Variants in CUL1 observed in about 807,000 individuals in gnomAD.
CUL1 encodes the protein cullin 1, also known as cullin-1.
Under a neutral mutation model 118.0 loss-of-function variants are expected in CUL1, and 24 were observed. That is an observed-to-expected ratio of 0.20 (90% CI 0.15 to 0.29). CUL1 has a LOEUF of 0.29. Among genes scored for constraint, CUL1 ranks in the 10% least tolerant of loss-of-function variants. CUL1 has a pLI of 1.00. For synonymous variants in CUL1, 332 were observed against 340.4 expected (o/e 0.98, Z 0.27); for missense variants, 361 against 933.8 (o/e 0.39, Z 7.99).
intron 4 of CUL1, among the ~76,000 whole-genome samples, chr7:148,757,675 CT>C (rs965694727): frequency 1.3e-5 from 2 of 152,146 alleles, no homozygotes; most frequent in Admixed American, 1.3e-4. Context: ...CTGTATTAGT[CT>C]GTTTTCATAC....
chr7:148,793,752 T>C (rs1051969185), intron 17 of CUL1, among the ~76,000 whole-genome samples: 16 of 152,234 alleles, frequency 1.1e-4, no homozygotes, highest in African/African-American at 3.9e-4. Flanking sequence ...ATGTTTTCAA[T>C]TTTCCTGGGT....
chr7:148,748,487 A>T (rs986708569), intron 2 of CUL1, among the ~76,000 whole-genome samples: 11 of 152,240 alleles, frequency 7.2e-5, no homozygotes, highest in African/African-American at 2.7e-4. Context: ...TATAATTTCA[A>T]ATATGTATAT....
chr7:148,758,110 G>T (rs933193715), intron 4 of CUL1, among the ~76,000 whole-genome samples: 1 of 152,188 alleles, frequency 6.6e-6, no homozygotes, highest in Non-Finnish European at 1.5e-5. Flanking sequence ...AGAAACTCTG[G>T]AGATGGGGCC....
At chr7:148,699,263 C>T (rs1176676303) in intron 1 of CUL1, among the ~76,000 whole-genome samples, 2 of 151,788 alleles carry the variant, frequency 1.3e-5, no homozygotes, top group Non-Finnish European at 1.5e-5. Flanking sequence ...CCCTGAGTCA[C>T]CCCGGACGGG....
intron 7 of CUL1, among the ~76,000 whole-genome samples, chr7:148,764,391 TAA>T (rs570644603): frequency 4.9e-4 from 74 of 152,254 alleles, no homozygotes; most frequent in African/African-American, 1.5e-3. Flanking sequence ...TGCCAATATA[TAA>T]AATAAGCTAG....
Position 148,798,069 on chromosome 7 carries a change from C to T in CUL1, c.2030+50C>T, listed in dbSNP as rs199644865. On this transcript the variant is annotated intron_variant, in intron 19 of 21. Transcript: ENST00000325222. Reference sequence around the variant, plus strand: ...GGCCCTTGACCATAGACACGTCCCCCGGGAGCCCTAGCACGGATCTCAGTA... The same window carrying T: ...GGCCCTTGACCATAGACACGTCCCCTGGGAGCCCTAGCACGGATCTCAGTA... 66 of 1,118,534 alleles carry T rather than the reference C, an allele frequency of 5.9e-5. 1 individual carries two copies. The highest frequency in any genetic ancestry group is 5.5e-4 in the African/African-American group (35 of 63,690). 69.3% of individuals were successfully genotyped at this position (1,118,534 alleles called of 1,614,324 possible). A position where few individuals can be genotyped will look rare whatever the true frequency, so the allele number is the denominator to read the frequency against.
At position 148,761,879 on chromosome 7, in the gene CUL1, G is replaced by A. The variant is rs115394758; in HGVS notation, c.789+1383G>A. On this transcript the variant is annotated intron_variant, in intron 7 of 21. Transcript: ENST00000325222. The stretch of plus-strand genomic sequence containing the variant: ...GGAAGAAGGGGGATGGTTTTGGGAC[G>A]AAACTGTTCCACCTCAGATCAAAGG... Among the ~76,000 whole-genome samples, 1,401 of 152,300 alleles carry A rather than the reference G, an allele frequency of 9.2e-3. 16 individuals carry two copies. Among genetic ancestry groups the A allele is most frequent in the African/African-American group, 0.032 (1,328 of 41,560 alleles).
At chr7:148,715,639 T>C (rs1584761895) in intron 1 of CUL1, among the ~76,000 whole-genome samples, 1 of 152,300 alleles carries the variant, frequency 6.6e-6, no homozygotes, top group East Asian at 1.9e-4. Flanking sequence ...TCTATTAAGT[T>C]CTTTCTTCAC....
intron 2 of CUL1, among the ~76,000 whole-genome samples, chr7:148,747,113 C>T (rs1799331281): frequency 6.6e-6 from 1 of 152,126 alleles, no homozygotes; most frequent in South Asian, 2.1e-4. Context: ...TTTGAATATT[C>T]CAGATTTTAC....
chr7:148,710,308 G>A (rs893117429), intron 1 of CUL1, among the ~76,000 whole-genome samples: 45 of 138,454 alleles, frequency 3.3e-4, no homozygotes, highest in African/African-American at 1.1e-3. Flanking sequence ...GGCGCGGTAC[G>A]CCTGTAATCC....
chr7:148,717,218 G>A (rs942410226), intron 1 of CUL1, among the ~76,000 whole-genome samples: 10 of 151,868 alleles, frequency 6.6e-5, no homozygotes, highest in African/African-American at 2.2e-4. Context: ...CACCACGCCC[G>A]GCTAATTTTT....
chr7:148,751,551 A>AAAC (rs1554468595), intron 2 of CUL1, among the ~76,000 whole-genome samples: 3 of 148,940 alleles, frequency 2.0e-5, no homozygotes, highest in African/African-American at 2.4e-5. Context: ...AAAAAAAAAA[A>AAAC]AAACCTCTCT....
intron 1 of CUL1, among the ~76,000 whole-genome samples, chr7:148,714,765 C>T (rs554330386): frequency 1.2e-4 from 18 of 152,260 alleles, no homozygotes; most frequent in Admixed American, 1.0e-3. Context: ...AGAACATGGT[C>T]GTCTTTATAC....
At chr7:148,795,033 A>G (rs1801138179) in intron 17 of CUL1, among the ~76,000 whole-genome samples, 2 of 151,636 alleles carry the variant, frequency 1.3e-5, no homozygotes, top group African/African-American at 2.4e-5. Flanking sequence ...GGGTTTCACC[A>G]TGTTGACCAG....
At chr7:148,715,491 C>T (rs574538924) in intron 1 of CUL1, among the ~76,000 whole-genome samples, 1 of 152,304 alleles carries the variant, frequency 6.6e-6, no homozygotes, top group African/African-American at 2.4e-5. Flanking sequence ...GGATGAGCCT[C>T]CTTTGGCTTG....
chr7:148,704,553 A>G (rs1002767948), intron 1 of CUL1, among the ~76,000 whole-genome samples: 2 of 152,128 alleles, frequency 1.3e-5, no homozygotes, highest in African/African-American at 4.8e-5. Context: ...CCTCTTAAGC[A>G]TTTGTTTTCG....
intron 1 of CUL1, among the ~76,000 whole-genome samples, chr7:148,714,921 TG>T (rs1425336275): frequency 6.6e-6 from 1 of 152,188 alleles, no homozygotes. Context: ...GGTCTTGCCC[TG>T]TCCCTCAGGA....
At chr7:148,724,092 A>C (rs1798483185) in intron 1 of CUL1, among the ~76,000 whole-genome samples, 1 of 152,188 alleles carries the variant, frequency 6.6e-6, no homozygotes, top group Admixed American at 6.5e-5. Flanking sequence ...CTTTTTCAAA[A>C]GCCCTTCCAG....
At chr7:148,783,067 G>T (rs1253563011) in intron 9 of CUL1, among the ~76,000 whole-genome samples, 1 of 152,218 alleles carries the variant, frequency 6.6e-6, no homozygotes, top group Non-Finnish European at 1.5e-5. Flanking sequence ...GTGGCGGCGT[G>T]CGCTGCATGC....
Sources: gnomAD v4.1 joint callset for allele counts (sites outside exome capture counted in the v4.1 genomes callset) on GRCh38, gnomAD v4.1.1 for gene constraint, MANE v1.5 for transcripts, NCBI Gene and HGNC (gene_info 2026-07-23, HGNC 2026-07-21) for gene names.